The following PRKAR2B variants were observed in gnomAD, a reference collection of about 807,000 sequenced individuals.
PRKAR2B encodes cAMP-dependent protein kinase type II-beta regulatory subunit.
Under a neutral mutation model 49.9 loss-of-function variants are expected in PRKAR2B, and 14 were observed. That is an observed-to-expected ratio of 0.28 (90% CI 0.19 to 0.44). The LOEUF (loss-of-function observed/expected upper bound fraction) is 0.44, where lower values mean the gene tolerates loss of function less well. PRKAR2B is among the 20% of genes least tolerant of loss of function. The pLI, the probability that PRKAR2B is intolerant of heterozygous loss-of-function variation, is 1.00. For synonymous variants in PRKAR2B, 196 were observed against 197.7 expected (o/e 0.99, Z 0.07); for missense variants, 393 against 537.9 (o/e 0.73, Z 2.67).
At chr7:107,073,483 C>T (rs567154024) in intron 2 of PRKAR2B, among the ~76,000 whole-genome samples, 2 of 152,214 alleles carry the variant, frequency 1.3e-5, no homozygotes, top group South Asian at 4.2e-4. Flanking sequence ...GAGTGGAAGG[C>T]ATGTAGAAAG....
intron 3 of PRKAR2B, among the ~76,000 whole-genome samples, chr7:107,126,013 G>A (rs537938865): frequency 1.5e-4 from 23 of 148,884 alleles, no homozygotes; most frequent in Admixed American, 2.7e-4. Flanking sequence ...CTTGAACCCA[G>A]GAGGCAAAGG....
At chr7:107,119,622 A>G (rs1199164752) in intron 2 of PRKAR2B, among the ~76,000 whole-genome samples, 16 of 152,176 alleles carry the variant, frequency 1.1e-4, no homozygotes, top group Admixed American at 7.2e-4. Context: ...GGCCATCCCT[A>G]TTGAGTGCCT....
chr7:107,112,198 AAAG>A (rs1795188926), intron 2 of PRKAR2B, among the ~76,000 whole-genome samples: 1 of 149,708 alleles, frequency 6.7e-6, no homozygotes, highest in Non-Finnish European at 1.5e-5. Context: ...AAAAAAAAAA[AAAG>A]AACCAAAAAC....
At chr7:107,126,087 T>TAAAAAA (rs34333619) in intron 3 of PRKAR2B, among the ~76,000 whole-genome samples, 52 of 82,264 alleles carry the variant, frequency 6.3e-4, no homozygotes, top group African/African-American at 2.5e-3. Flanking sequence ...GACTGTGTCT[T>TAAAAAA]AAAAAAAAAA....
chr7:107,047,952 A>G (rs1241857276), intron 1 of PRKAR2B, among the ~76,000 whole-genome samples: 2 of 152,230 alleles, frequency 1.3e-5, no homozygotes, highest in African/African-American at 4.8e-5. Flanking sequence ...TGATAATACT[A>G]TATTCTTCTT....
At chr7:107,132,937 A>C (rs1377426405) in intron 4 of PRKAR2B, among the ~76,000 whole-genome samples, 2 of 152,132 alleles carry the variant, frequency 1.3e-5, no homozygotes, top group African/African-American at 2.4e-5. Flanking sequence ...TTAATGCTCC[A>C]CTCAGTAGGC....
chr7:107,063,284 T>A (rs972038900), intron 1 of PRKAR2B, among the ~76,000 whole-genome samples: 2 of 152,170 alleles, frequency 1.3e-5, no homozygotes, highest in African/African-American at 4.8e-5. Flanking sequence ...GGCATGAGCC[T>A]CCATGCCTGG....
At chr7:107,084,297 A>G (rs1794571218) in intron 2 of PRKAR2B, among the ~76,000 whole-genome samples, 1 of 152,156 alleles carries the variant, frequency 6.6e-6, no homozygotes, top group Admixed American at 6.5e-5. Flanking sequence ...CCCAAATTAT[A>G]AAATAGTTCA....
rs913226015 is a variant in PRKAR2B at position 107,160,394 on chromosome 7, T to A, written c.*812T>A. ...TTAATGTCACAAAGTTTTGTTTTTT[T>A]AAAAAGTGATTTAAACTTAAGATCC... On this transcript the variant is annotated 3_prime_UTR_variant, in exon 11 of 11. Transcript: ENST00000265717. The A allele has an allele frequency of 2.6e-5, 4 of 152,222 alleles. No individual in the cohort carries two copies. The highest frequency in any genetic ancestry group is 5.9e-5 in the Non-Finnish European group (4 of 68,024). The allele number at this position is 152,222 out of a possible 1,614,324, so 9.4% of individuals were successfully genotyped here.
At chr7:107,093,727 GT>G (rs1794780335) in intron 2 of PRKAR2B, among the ~76,000 whole-genome samples, 2 of 146,250 alleles carry the variant, frequency 1.4e-5, no homozygotes, top group Non-Finnish European at 3.0e-5. Flanking sequence ...TGTTCTCATT[GT>G]TCAATTCCCA....
chr7:107,135,629 C>A (rs1281862832), intron 4 of PRKAR2B, among the ~76,000 whole-genome samples: 1 of 152,008 alleles, frequency 6.6e-6, no homozygotes, highest in Non-Finnish European at 1.5e-5. Flanking sequence ...ATATTAACAT[C>A]CCCCCAAAAT....
At chr7:107,137,159 T>C (rs146697904) in intron 4 of PRKAR2B, among the ~76,000 whole-genome samples, 38 of 152,358 alleles carry the variant, frequency 2.5e-4, no homozygotes, top group Non-Finnish European at 4.6e-4. Flanking sequence ...GGCAGGTCTT[T>C]ATATTCTGCC....
chr7:107,068,100 C>T (rs1340337357), intron 1 of PRKAR2B, among the ~76,000 whole-genome samples: 5 of 152,098 alleles, frequency 3.3e-5, no homozygotes, highest in Non-Finnish European at 5.9e-5. Context: ...AAAATTGCCC[C>T]CACAAATTTA....
At chr7:107,114,749 A>AT (rs1389316388) in intron 2 of PRKAR2B, among the ~76,000 whole-genome samples, 1 of 152,042 alleles carries the variant, frequency 6.6e-6, no homozygotes, top group Non-Finnish European at 1.5e-5. Flanking sequence ...ATTGCTGCTT[A>AT]TTTATGTATT....
chr7:107,153,157 T>G lies in PRKAR2B; in HGVS notation c.844-20T>G, dbSNP rs1584456267. On this transcript the variant is annotated intron_variant, in intron 7 of 10. Coordinates refer to ENST00000265717, the MANE Select transcript of PRKAR2B (RefSeq NM_002736.3). Reference sequence around the variant, plus strand: ...CCAGTTAATTTGTTTCTATTTAATATTGTTTTTCTTTCTTTGTAGTTTTCT... The same window carrying G: ...CCAGTTAATTTGTTTCTATTTAATAGTGTTTTTCTTTCTTTGTAGTTTTCT... 6.3e-7 allele frequency: 1 copy of G among 1,587,134 alleles called. No homozygotes were observed. The highest frequency in any genetic ancestry group is 8.6e-7 in the Non-Finnish European group (1 of 1,162,710).
At chr7:107,078,683 T>G (rs1794455678) in intron 2 of PRKAR2B, among the ~76,000 whole-genome samples, 2 of 152,222 alleles carry the variant, frequency 1.3e-5, no homozygotes, top group Admixed American at 1.3e-4. Context: ...TTACTGATAC[T>G]TAAGCAACCT....
At chr7:107,079,068 G>A (rs554105281) in intron 2 of PRKAR2B, among the ~76,000 whole-genome samples, 10 of 152,140 alleles carry the variant, frequency 6.6e-5, no homozygotes, top group Admixed American at 3.3e-4. Context: ...GAAAGGGGTC[G>A]GGGAGTTAGA....
In PRKAR2B at chr7:107,045,171, G is replaced by A. The variant is rs760153332; in HGVS notation, c.264G>A (p.Gly88=). The A allele has an allele frequency of 2.5e-5, 36 of 1,467,138 alleles. No individual in the cohort carries two copies. The South Asian group carries it at 3.6e-4, about 14-fold the overall frequency. 90.9% of individuals were successfully genotyped at this position (1,467,138 alleles called of 1,614,324 possible). Residue 88 remains glycine, a synonymous_variant, in exon 1 of 11, where the codon GGG becomes GGA. Coordinates refer to ENST00000265717, the MANE Select transcript of PRKAR2B (RefSeq NM_002736.3). ...EEPMQSDSED[G]EEEEAAPADA... The stretch of plus-strand genomic sequence containing the variant: ...CCATGCAGTCCGACTCCGAGGACGG[G>A]GAGGAGGAGGAGGCGGCGCCCGCGG...
chr7:107,052,333 G>A (rs1473335509), intron 1 of PRKAR2B, among the ~76,000 whole-genome samples: 2 of 152,072 alleles, frequency 1.3e-5, no homozygotes, highest in Non-Finnish European at 2.9e-5. Flanking sequence ...CAGGAGAATC[G>A]CTTGAACCCT....
Sources: gnomAD v4.1 joint callset for allele counts (sites outside exome capture counted in the v4.1 genomes callset) on GRCh38, gnomAD v4.1.1 for gene constraint, MANE v1.5 for transcripts, NCBI Gene and HGNC (gene_info 2026-07-23, HGNC 2026-07-21) for gene names.